SLC30A4: variants seen among roughly 807,000 people sequenced by gnomAD.
SLC30A4 encodes the protein solute carrier family 30 member 4.
SLC30A4 carries 20 observed loss-of-function variants against 41.7 expected under a neutral mutation model. The observed-to-expected ratio is 0.48, with a 90% CI of 0.34 to 0.70. The LOEUF (loss-of-function observed/expected upper bound fraction) is 0.70, where lower values mean the gene tolerates loss of function less well. Ranked by LOEUF, SLC30A4 falls within the 30% of genes least tolerant of loss-of-function variation. SLC30A4 has a pLI of 0.01. For synonymous variants in SLC30A4, 181 were observed against 195.9 expected (o/e 0.92, Z 0.64); for missense variants, 441 against 529.3 (o/e 0.83, Z 1.64).
chr15:45,486,240 CTCA>C lies in SLC30A4; in HGVS notation c.1135+368_1135+370del, dbSNP rs2140810269. Among the ~76,000 whole-genome samples, 3 of 152,220 alleles carry C rather than the reference CTCA, an allele frequency of 2.0e-5. No individual in the cohort carries two copies. In the East Asian group the frequency reaches 5.8e-4, roughly 29 times the overall value. The stretch of plus-strand genomic sequence containing the variant: ...GTTTCACCATGTTGGCCAGGCTGGT[CTCA>C]AACTCCTGACCTCAGGTGATCCACC... On this transcript the variant is annotated intron_variant, in intron 7 of 7. Transcript: ENST00000261867.
At chr15:45,512,701 TA>T (rs1892335373) in intron 2 of SLC30A4, among the ~76,000 whole-genome samples, 1 of 152,228 alleles carries the variant, frequency 6.6e-6, no homozygotes, top group Non-Finnish European at 1.5e-5. Context: ...TTAGCATACT[TA>T]TCATTTTATA....
At chr15:45,516,035 G>C (rs1234010342) in intron 2 of SLC30A4, 3 of 152,066 alleles carry the variant, frequency 2.0e-5, no homozygotes, top group Non-Finnish European at 4.4e-5. Context: ...AAAGTGCTAG[G>C]ACTACAGGCA....
At chr15:45,513,938 G>A (rs1258747422) in intron 2 of SLC30A4, 1 of 152,384 alleles carries the variant, frequency 6.6e-6, no homozygotes, top group African/African-American at 2.4e-5. Flanking sequence ...AAAAATCAGA[G>A]GCAACTAACA....
intron 4 of SLC30A4, among the ~76,000 whole-genome samples, chr15:45,490,404 A>C (rs1302659396): frequency 1.3e-5 from 2 of 152,166 alleles, no homozygotes; most frequent in Non-Finnish European, 2.9e-5. Flanking sequence ...TAAACTTTCA[A>C]AACTTTCTTC....
chr15:45,490,822 A>G lies in SLC30A4; in HGVS notation c.598T>C (p.Tyr200His). The G allele has an allele frequency of 5.6e-6, 9 of 1,610,628 alleles. No individual in the cohort carries two copies. The Middle Eastern group carries it at 1.3e-3, about 237-fold the overall frequency. ...LVYILMGFLL[Y>H]EAVQRTIHMN... ...TGGATAGTTCTTTGCACAGCTTCAT[A>G]TAAGAGGAATCCCATAAGTATATAC... is the stretch of plus-strand genomic sequence containing the variant. The change falls in exon 4 of 8, where the codon TAT becomes CAT. Residue 200 changes from tyrosine to histidine, a missense_variant. Physicochemically the swap from Tyr to His is moderately conservative, Grantham distance 83 (BLOSUM62 2). Around this residue, in one of 3 missense-constraint regions of SLC30A4, gnomAD observed 312 missense variants for 341.9 expected, o/e 0.91. Transcript: ENST00000261867.
At position 45,486,625 on chromosome 15, in the gene SLC30A4, A is replaced by G; in HGVS notation, c.1121T>C (p.Val374Ala). 2 of 1,605,270 alleles carry G rather than the reference A, an allele frequency of 1.2e-6. No homozygotes were observed. The highest frequency in any genetic ancestry group is 1.7e-6 in the Non-Finnish European group (2 of 1,177,298). The change falls in exon 7 of 8, where the codon GTT becomes GCT. Residue 374 changes from valine to alanine, a missense_variant. Physicochemically the swap from Val to Ala is moderately conservative, Grantham distance 64 (BLOSUM62 0). Transcript: ENST00000261867. Reference protein sequence around the residue: ...SLTSGKSTAIVHIQLIPGSSS... With the variant: ...SLTSGKSTAIAHIQLIPGSSS... ...CAGCAACATACTTAGCTGTATGTGAACTATGGCAGTAGATTTTCCTGAAGT... is the reference window on the plus strand; with the variant it reads ...CAGCAACATACTTAGCTGTATGTGAGCTATGGCAGTAGATTTTCCTGAAGT...
rs1268171326 is a variant in SLC30A4, at chr15:45,484,852, CCTTT to C, written c.*307_*310del. 4.1e-6 allele frequency: 1 copy of C among 244,632 alleles called. No homozygotes were observed. Among genetic ancestry groups the C allele is most frequent in the Admixed American group, 5.5e-5 (1 of 18,158 alleles). The allele number at this position is 244,632 out of a possible 1,614,324, so 15.2% of individuals were successfully genotyped here. On this transcript the variant is annotated 3_prime_UTR_variant, in exon 8 of 8. Transcript: ENST00000261867. ...TGCAAATATTGAATTCTTGATGCTTCCTTTAAGACACGTACTCTGTCAAGTTAAT... is the reference window on the plus strand; with the variant it reads ...TGCAAATATTGAATTCTTGATGCTTCAAGACACGTACTCTGTCAAGTTAAT...
At chr15:45,487,961 GTGTGT>G (rs1566875008) in intron 5 of SLC30A4, among the ~76,000 whole-genome samples, 2 of 2,774 alleles carry the variant, frequency 7.2e-4, no homozygotes, top group African/African-American at 0.012. Flanking sequence ...CTGGAAAAAA[GTGTGT>G]GTGTGTGTGT....
At chr15:45,494,759 G>A (rs1891878663) in intron 3 of SLC30A4, among the ~76,000 whole-genome samples, 1 of 152,160 alleles carries the variant, frequency 6.6e-6, no homozygotes, top group East Asian at 1.9e-4. Context: ...AGAATCTCAT[G>A]TGCTTGTGGT....
chr15:45,495,594 G>C (rs968513612), intron 3 of SLC30A4, among the ~76,000 whole-genome samples: 1 of 152,090 alleles, frequency 6.6e-6, no homozygotes, highest in African/African-American at 2.4e-5. Flanking sequence ...CTTAAAAATC[G>C]CCTTTTTGTG....
In SLC30A4 at chr15:45,483,936, A is replaced by C. The variant is rs1891650573; in HGVS notation, c.*1227T>G. 1 of 152,280 alleles carries C rather than the reference A, an allele frequency of 6.6e-6. No individual in the cohort carries two copies. Among genetic ancestry groups the C allele is most frequent in the South Asian group, 2.1e-4 (1 of 4,832 alleles). 9.4% of individuals were successfully genotyped at this position (152,280 alleles called of 1,614,324 possible). On this transcript the variant is annotated 3_prime_UTR_variant, in exon 8 of 8. Transcript: ENST00000261867. The stretch of plus-strand genomic sequence containing the variant: ...AAATCCTTTACATTTCTGTTTTCTC[A>C]AAGTAATATCTTCCCCCAACCCCTT...
At position 45,484,101 on chromosome 15, in the gene SLC30A4, C is replaced by A. The variant is rs375489391; in HGVS notation, c.*1062G>T. On this transcript the variant is annotated 3_prime_UTR_variant, in exon 8 of 8. Transcript: ENST00000261867. ...AACCCATATCATAAAACATAAAATTCTCTCTGGATTAATGTTGTTGAACTA... is the reference window on the plus strand; with the variant it reads ...AACCCATATCATAAAACATAAAATTATCTCTGGATTAATGTTGTTGAACTA... 3.3e-5 allele frequency: 5 copies of A among 152,562 alleles called. No homozygotes were observed. Among genetic ancestry groups the A allele is most frequent in the African/African-American group, 1.2e-4 (5 of 41,486 alleles). 9.5% of individuals were successfully genotyped at this position (152,562 alleles called of 1,614,324 possible). A position where few individuals can be genotyped will look rare whatever the true frequency, so the allele number is the denominator to read the frequency against.
At chr15:45,493,026 C>T (rs2140819662) in intron 3 of SLC30A4, among the ~76,000 whole-genome samples, 1 of 152,354 alleles carries the variant, frequency 6.6e-6, no homozygotes, top group Middle Eastern at 3.4e-3. Flanking sequence ...AATCCCAGCA[C>T]TTTGGGAGAC....
intron 6 of SLC30A4, 67 bp downstream of exon 6, chr15:45,487,460 G>T (rs1891725891): frequency 2.6e-6 from 2 of 782,372 alleles, no homozygotes; most frequent in Admixed American, 3.8e-5. Flanking sequence ...TATTCAGAAT[G>T]TCCCCTGACT....
intron 3 of SLC30A4, among the ~76,000 whole-genome samples, chr15:45,495,245 A>G (rs189124753): frequency 2.2e-3 from 337 of 152,342 alleles, no homozygotes; most frequent in Non-Finnish European, 4.0e-3. Context: ...ATGAAAATTT[A>G]AAATTCATAA....
At chr15:45,520,969 GA>G (rs1885571937) in intron 2 of SLC30A4, 2 of 452,734 alleles carry the variant, frequency 4.4e-6, no homozygotes, top group Admixed American at 2.8e-5. Context: ...GTTGTAAGAG[GA>G]AAAAGAAGAC....
chr15:45,517,345 CTTTTTTTTTTT>C (rs1166130286), intron 2 of SLC30A4, among the ~76,000 whole-genome samples: 49 of 65,574 alleles, frequency 7.5e-4, no homozygotes, highest in South Asian at 4.0e-3. Flanking sequence ...CCAATCCATT[CTTTTTTTTTTT>C]TTTTTTTTTT....
intron 3 of SLC30A4, among the ~76,000 whole-genome samples, chr15:45,508,028 G>T (rs1416500424): frequency 6.6e-6 from 1 of 152,054 alleles, no homozygotes; most frequent in Admixed American, 6.6e-5. Context: ...TTCCTATGTT[G>T]CCCAGGCTGG....
chr15:45,507,284 C>T (rs12913524), intron 3 of SLC30A4, among the ~76,000 whole-genome samples: 1 of 150,854 alleles, frequency 6.6e-6, no homozygotes, highest in Non-Finnish European at 1.5e-5. Flanking sequence ...CGCGCCATTG[C>T]ACTCCAGCCT....
Sources: gnomAD v4.1 joint callset for allele counts (sites outside exome capture counted in the v4.1 genomes callset) on GRCh38, gnomAD v4.1.1 for gene constraint, gnomAD v4.1.1 regional missense constraint, MANE v1.5 for transcripts, NCBI Gene and HGNC (gene_info 2026-07-23, HGNC 2026-07-21) for gene names.